The following LRP1B variants were observed in gnomAD, a reference collection of about 807,000 sequenced individuals.
The protein encoded by LRP1B is low-density lipoprotein receptor-related protein 1B.
LRP1B carries 217 observed loss-of-function variants against 556.6 expected under a neutral mutation model. That is an observed-to-expected ratio of 0.39 (90% CI 0.35 to 0.44). The LOEUF is 0.44. Ranked by LOEUF, LRP1B falls within the 20% of genes least tolerant of loss-of-function variation. The pLI is 1.00. For missense variants in LRP1B, 5,053 were observed against 5,620.8 expected (o/e 0.90, Z 3.23); for synonymous variants, 2,047 against 1,865.8 (o/e 1.10, Z -2.50).
chr2:141,242,027 T>C (rs16845682), intron 5 of LRP1B, among the ~76,000 whole-genome samples: 1,979 of 152,226 alleles, frequency 0.013, 42 homozygotes, highest in African/African-American at 0.041. Flanking sequence ...CTGAAACAGA[T>C]CTTATCCACT....
At position 141,875,683 on chromosome 2, in the gene LRP1B, C is replaced by T. The variant is rs567248150; in HGVS notation, c.83-65282G>A. Among the ~76,000 whole-genome samples the T allele has an allele frequency of 7.9e-5, 12 of 152,026 alleles. No individual in the cohort carries two copies. In the South Asian group the frequency reaches 2.3e-3, roughly 29 times the overall value. ...AAAGCGATTACTTATTTGGCTTATT[C>T]ATTTAAGGTAAGTTCCCCCACAAGG... On this transcript the variant is annotated intron_variant, in intron 1 of 90. Coordinates refer to ENST00000389484, the MANE Select transcript of LRP1B (RefSeq NM_018557.3).
intron 35 of LRP1B, among the ~76,000 whole-genome samples, chr2:140,748,410 CATATATA>C (rs1447081952): frequency 0.065 from 5,016 of 77,434 alleles, 233 homozygotes; most frequent in Middle Eastern, 0.19. Context: ...ATATTATATT[CATATATA>C]ATATATATTA....
chr2:140,524,592 A>C (rs780962863), intron 49 of LRP1B, among the ~76,000 whole-genome samples: 25 of 151,964 alleles, frequency 1.6e-4, no homozygotes, highest in Admixed American at 5.9e-4. Context: ...TATGGTACAC[A>C]TACACCATGG....
At chr2:142,121,545 A>G (rs2105012963) in intron 1 of LRP1B, among the ~76,000 whole-genome samples, 2 of 152,238 alleles carry the variant, frequency 1.3e-5, no homozygotes, top group South Asian at 4.1e-4. Context: ...CTCCCTCTAG[A>G]TGACTCAGAG....
intron 2 of LRP1B, among the ~76,000 whole-genome samples, chr2:141,722,719 C>CAGAT (rs1425351762): frequency 4.2e-4 from 59 of 140,948 alleles, no homozygotes; most frequent in East Asian, 3.3e-3. Flanking sequence ...GATAGACAGG[C>CAGAT]AGATAGATAC....
intron 11 of LRP1B, among the ~76,000 whole-genome samples, chr2:141,023,812 C>T (rs925312034): frequency 6.6e-6 from 1 of 151,948 alleles, no homozygotes; most frequent in Non-Finnish European, 1.5e-5. Context: ...CCAAAAATGG[C>T]CATTATAAAA....
At position 141,069,300 on chromosome 2, in the gene LRP1B, C is replaced by A. The variant is rs1206139898; in HGVS notation, c.1014-7027G>T. On this transcript the variant is annotated intron_variant, in intron 7 of 90. Transcript: ENST00000389484. The stretch of plus-strand genomic sequence containing the variant: ...AGGAGTTAACTCGGCAAGTAAGAAA[C>A]CTGACACTGTGAAAGTGGAGCACTA... 3.9e-5 allele frequency among the ~76,000 whole-genome samples: 6 copies of A among 152,024 alleles called. 1 individual carries two copies. Among genetic ancestry groups the A allele is most frequent in the Admixed American group, 3.3e-4 (5 of 15,230 alleles).
chr2:141,584,966 G>A (rs1687085978), intron 2 of LRP1B, among the ~76,000 whole-genome samples: 1 of 151,982 alleles, frequency 6.6e-6, no homozygotes, highest in South Asian at 2.1e-4. Flanking sequence ...AGGTTCTGGA[G>A]AGCTGACTCA....
chr2:141,105,113 G>T (rs774705582), intron 7 of LRP1B, among the ~76,000 whole-genome samples: 1 of 151,962 alleles, frequency 6.6e-6, no homozygotes, highest in East Asian at 1.9e-4. Context: ...AACCATCAAA[G>T]TCTGCATTTA....
intron 3 of LRP1B, among the ~76,000 whole-genome samples, chr2:141,318,726 T>C (rs1687120512): frequency 6.6e-6 from 1 of 152,122 alleles, no homozygotes; most frequent in Non-Finnish European, 1.5e-5. Flanking sequence ...ACCCTGGGCT[T>C]GCCGAAATAT....
At chr2:140,748,981 G>C (rs909132740) in intron 35 of LRP1B, among the ~76,000 whole-genome samples, 1 of 150,910 alleles carries the variant, frequency 6.6e-6, no homozygotes, top group Non-Finnish European at 1.5e-5. Flanking sequence ...ACTACTACAC[G>C]CTTAGGTTAT....
rs1680151860 is a variant in LRP1B at position 140,541,928 on chromosome 2, A to C, written c.7238T>G (p.Val2413Gly). 1 of 1,610,316 alleles carries C rather than the reference A, an allele frequency of 6.2e-7. No individual in the cohort carries two copies. The highest frequency in any genetic ancestry group is 8.5e-7 in the Non-Finnish European group (1 of 1,177,714). The change falls in exon 44 of 91, where the codon GTT becomes GGT. Residue 2413 changes from valine (V) to glycine (G), a missense_variant. Coordinates refer to ENST00000389484, the MANE Select transcript of LRP1B (RefSeq NM_018557.3). The stretch of plus-strand genomic sequence containing the variant: ...CGACCAGAATATATAATTGTCATAA[A>C]CAGCCAAACTGAGGAAAGTCCCTGG... ...SGPGTFLSLA[V>G]YDNYIFWSDW... is the part of the protein sequence containing the mutation.
At chr2:141,469,360 T>A (rs1682371181) in intron 3 of LRP1B, among the ~76,000 whole-genome samples, 1 of 152,232 alleles carries the variant, frequency 6.6e-6, no homozygotes, top group Non-Finnish European at 1.5e-5. Flanking sequence ...CAATATTCTG[T>A]TATTTTAGTT....
chr2:140,727,531 G>A (rs1469624166), intron 35 of LRP1B, among the ~76,000 whole-genome samples: 1 of 152,198 alleles, frequency 6.6e-6, no homozygotes, highest in Non-Finnish European at 1.5e-5. Context: ...AGGAAGTGAA[G>A]CTTTTCCTAA....
chr2:141,624,032 T>TAAAAAAAAAAAAAA (rs761446527), intron 2 of LRP1B, among the ~76,000 whole-genome samples: 14 of 14,432 alleles, frequency 9.7e-4, no homozygotes, highest in East Asian at 3.2e-3. Context: ...AAAAAAAAAT[T>TAAAAAAAAAAAAAA]AAACAAAAAA....
chr2:142,073,581 T>C (rs777093120), intron 1 of LRP1B, among the ~76,000 whole-genome samples: 2 of 152,052 alleles, frequency 1.3e-5, no homozygotes, highest in Admixed American at 1.3e-4. Context: ...TATTCATCTC[T>C]GACCACAGCA....
intron 1 of LRP1B, among the ~76,000 whole-genome samples, chr2:141,974,817 A>G (rs1701840333): frequency 6.6e-6 from 1 of 152,120 alleles, no homozygotes; most frequent in Non-Finnish European, 1.5e-5. Flanking sequence ...AGCCCTGGCT[A>G]TTAATGATGG....
At chr2:140,414,859 C>T (rs1685116520) in intron 66 of LRP1B, among the ~76,000 whole-genome samples, 1 of 152,186 alleles carries the variant, frequency 6.6e-6, no homozygotes, top group South Asian at 2.1e-4. Flanking sequence ...TAAGGTCTGA[C>T]TGCCTGCAGG....
intron 41 of LRP1B, among the ~76,000 whole-genome samples, chr2:140,651,563 A>T (rs1684688913): frequency 6.6e-6 from 1 of 151,090 alleles, no homozygotes; most frequent in South Asian, 2.1e-4. Flanking sequence ...GCAGAAGTTC[A>T]TCTTATGTAG....
Sources: gnomAD v4.1 joint callset for allele counts (sites outside exome capture counted in the v4.1 genomes callset) on GRCh38, gnomAD v4.1.1 for gene constraint, MANE v1.5 for transcripts, NCBI Gene and HGNC (gene_info 2026-07-23, HGNC 2026-07-21) for gene names.